The following CEP95 variants were observed in gnomAD, a reference collection of about 807,000 sequenced individuals.
The protein encoded by CEP95 is centrosomal protein 95, also known as centrosomal protein of 95 kDa.
In CEP95, 98 loss-of-function variants were observed where a neutral mutation model predicts 111.2. That is an observed-to-expected ratio of 0.88 (90% CI 0.75 to 1.04). The LOEUF (loss-of-function observed/expected upper bound fraction) is 1.04. CEP95 is among the 50% of genes least tolerant of loss of function. CEP95 has a pLI of 0.00. For missense variants in CEP95, 1,027 were observed against 977.2 expected (o/e 1.05, Z -0.68); for synonymous variants, 323 against 327.1 (o/e 0.99, Z 0.14).
At position 64,537,810 on chromosome 17, in the gene CEP95, C is replaced by G; in HGVS notation, c.*31C>G. 1 of 1,437,218 alleles carries G rather than the reference C, an allele frequency of 7.0e-7. No homozygotes were observed. The highest frequency in any genetic ancestry group is 1.4e-5 in the South Asian group (1 of 71,290). 89.0% of individuals were successfully genotyped at this position (1,437,218 alleles called of 1,614,324 possible). A position where few individuals can be genotyped will look rare whatever the true frequency, so the allele number is the denominator to read the frequency against. ...GACTTGATAATAGTAGGTGAAGGTT[C>G]TGGAGGCCTTTACCAGGACAGAGCT... On this transcript the variant is annotated 3_prime_UTR_variant, in exon 20 of 20. Coordinates refer to ENST00000556440, the MANE Select transcript of CEP95 (RefSeq NM_138363.3).
chr17:64,508,174 T>C, intron 1 of CEP95: 1 of 985,458 alleles, frequency 1.0e-6, no homozygotes, highest in Non-Finnish European at 1.2e-6. Flanking sequence ...CCAATACTAT[T>C]GCAAGTGCGA....
intron 6 of CEP95, 96 bp downstream of exon 6, chr17:64,519,532 G>T (rs1205742395): frequency 3.7e-6 from 3 of 821,450 alleles, no homozygotes; most frequent in African/African-American, 3.4e-5. Flanking sequence ...GAAGAATAGA[G>T]TGCTAACTGG....
chr17:64,532,133 G>GTT (rs113205929), intron 14 of CEP95, 111 bp downstream of exon 14: 1,130 of 1,144,980 alleles, frequency 9.9e-4, no homozygotes, highest in South Asian at 5.3e-3. Flanking sequence ...GCCGAAGAAA[G>GTT]TTTTTTTTTT....
At chr17:64,526,670 AAAC>A (rs1441911153) in intron 10 of CEP95, among the ~76,000 whole-genome samples, 2 of 152,208 alleles carry the variant, frequency 1.3e-5, no homozygotes, top group African/African-American at 4.8e-5. Flanking sequence ...TTTTAAAACT[AAAC>A]ATGTATGCCA....
Position 64,506,995 on chromosome 17 carries a change from C to CCCAGT in CEP95, c.-103_-102insCCAGT. 2 of 1,354,480 alleles carry CCCAGT rather than the reference C, an allele frequency of 1.5e-6. No individual in the cohort carries two copies. Among genetic ancestry groups the CCCAGT allele is most frequent in the South Asian group, 2.5e-5 (2 of 80,054 alleles). 83.9% of individuals were successfully genotyped at this position (1,354,480 alleles called of 1,614,324 possible). A position where few individuals can be genotyped will look rare whatever the true frequency, so the allele number is the denominator to read the frequency against. ...ACGCCTCCTTCCCCGCGCTTTGGTT[C>CCCAGT]GTGCGTCCGCGCCCCAGTGTCGGGT... On this transcript the variant is annotated 5_prime_UTR_variant, in exon 1 of 20. Transcript: ENST00000556440.
At position 64,510,424 on chromosome 17, in the gene CEP95, A is replaced by C. The variant is rs1598177478; in HGVS notation, c.256+144A>C. 8.2e-6 allele frequency: 5 copies of C among 610,948 alleles called. No homozygotes were observed. The East Asian group carries it at 1.4e-4, about 17-fold the overall frequency. The allele number at this position is 610,948 out of a possible 1,614,324, so 37.8% of individuals were successfully genotyped here. A position where few individuals can be genotyped will look rare whatever the true frequency, so the allele number is the denominator to read the frequency against. ...TTGAGCTAAGACAATCAACTGATAG[A>C]GGTCAGGTCCATACATGAGAACTTT... On this transcript the variant is annotated intron_variant, in intron 3 of 19. Coordinates refer to ENST00000556440, the MANE Select transcript of CEP95 (RefSeq NM_138363.3).
chr17:64,510,172 G>A lies in CEP95; in HGVS notation c.149-1G>A, dbSNP rs781794065. The A allele has an allele frequency of 4.4e-6, 7 of 1,578,182 alleles. No individual in the cohort carries two copies. The South Asian group carries it at 4.5e-5, about 10-fold the overall frequency. ...AATTATGTGATTTTTTCCCCCCCCA[G>A]ACCTCATAGTTATTCCTAGGAGTCA... On this transcript the variant is annotated splice_acceptor_variant, in intron 2 of 19. Coordinates refer to ENST00000556440, the MANE Select transcript of CEP95 (RefSeq NM_138363.3). LOFTEE classifies it high-confidence loss of function.
Position 64,522,826 on chromosome 17 carries a change from A to G in CEP95, c.840A>G (p.Lys280=). 6.2e-7 allele frequency: 1 copy of G among 1,613,780 alleles called. No individual in the cohort carries two copies. The highest frequency in any genetic ancestry group is 8.5e-7 in the Non-Finnish European group (1 of 1,179,858). Residue 280 remains lysine (K), a synonymous_variant, in exon 8 of 20, where the codon AAA becomes AAG. Transcript: ENST00000556440. The stretch of plus-strand genomic sequence containing the variant: ...CTCGAGCACCCTGCCCCATAGGAAA[A>G]GAATACTTGCATTCAAGTCACTGCT... ...SEPRAPCPIG[K]EYLHSSHCSP... is the part of the protein sequence containing the mutation.
At chr17:64,527,048 ACTC>A in intron 10 of CEP95, 60 bp from the exon 11 acceptor site, 1 of 1,394,322 alleles carries the variant, frequency 7.2e-7, no homozygotes, top group East Asian at 2.3e-5. Flanking sequence ...AGGTCTGCCT[ACTC>A]CTACGAATTT....
chr17:64,536,399 T>TG (rs1968656320), intron 17 of CEP95: 1 of 363,506 alleles, frequency 2.8e-6, no homozygotes, highest in South Asian at 4.7e-5. Flanking sequence ...CAGTGAGTTG[T>TG]GACTGCCCCA....
Position 64,514,332 on chromosome 17 carries a change from G to T in CEP95, c.341G>T (p.Arg114Leu), listed in dbSNP as rs782643366. Residue 114 changes from arginine to leucine, a missense_variant, in exon 4 of 20, where the codon CGC (arginine) becomes CTC (leucine). Arg to Leu is a moderately radical substitution (Grantham distance 102). Transcript: ENST00000556440. ...FDGLLEYLTE[R>L]ISETSHEKSE... ...GGTTTGTTGGAGTATCTTACAGAAC[G>T]CATCAGTGAAACATCTCATGAGAAA... 6.6e-7 allele frequency: 1 copy of T among 1,514,510 alleles called. No homozygotes were observed. The highest frequency in any genetic ancestry group is 9.0e-7 in the Non-Finnish European group (1 of 1,113,692). 93.8% of individuals were successfully genotyped at this position (1,514,510 alleles called of 1,614,324 possible).
Position 64,533,159 on chromosome 17 carries a change from G to A in CEP95, c.1885G>A (p.Val629Ile). 1 of 1,590,958 alleles carries A rather than the reference G, an allele frequency of 6.3e-7. No homozygotes were observed. Among genetic ancestry groups the A allele is most frequent in the Non-Finnish European group, 8.5e-7 (1 of 1,174,454 alleles). The change falls in exon 16 of 20, where the codon GTC becomes ATC. Residue 629 changes from valine (V) to isoleucine (I), a missense_variant. Physicochemically the swap from Val to Ile is conservative, Grantham distance 29. Coordinates refer to ENST00000556440, the MANE Select transcript of CEP95 (RefSeq NM_138363.3). ...AAGGCATGACCTCCTTACTACCCTT[G>A]TCAAGAAAGAATATGAACATAACAA... ...LRRHDLLTTL[V>I]KKEYEHNKRL...
chr17:64,537,479 C>T (rs1477118219), intron 19 of CEP95, 124 bp from the exon 20 acceptor site: 4 of 1,417,008 alleles, frequency 2.8e-6, no homozygotes, highest in Non-Finnish European at 2.8e-6. Flanking sequence ...TCTGTAAGAG[C>T]TGCTGTTGCT....
In CEP95 at chr17:64,507,078, C is replaced by T; in HGVS notation, c.-20C>T. 1.9e-6 allele frequency: 3 copies of T among 1,550,752 alleles called. No individual in the cohort carries two copies. Among genetic ancestry groups the T allele is most frequent in the Non-Finnish European group, 1.7e-6 (2 of 1,146,922 alleles). On this transcript the variant is annotated 5_prime_UTR_variant, in exon 1 of 20. Coordinates refer to ENST00000556440, the MANE Select transcript of CEP95 (RefSeq NM_138363.3). ...CCTTCCCGGCCGCGTCGGAGTCCGG[C>T]GGCGACCTGCCTCTGAAACATGGCA...
At chr17:64,514,156 G>A in intron 3 of CEP95, 92 bp from the exon 4 acceptor site, 1 of 561,532 alleles carries the variant, frequency 1.8e-6, no homozygotes, top group Non-Finnish European at 3.3e-6. Context: ...TTCTTAAATA[G>A]CATTTTCACA....
chr17:64,507,867 T>G, intron 1 of CEP95: 1 of 985,460 alleles, frequency 1.0e-6, no homozygotes, highest in Non-Finnish European at 1.2e-6. Context: ...AAGGAACAAG[T>G]ATTTTAAGCT....
intron 13 of CEP95, among the ~76,000 whole-genome samples, chr17:64,531,475 A>G (rs1968277232): frequency 6.6e-6 from 1 of 152,218 alleles, no homozygotes; most frequent in Admixed American, 6.5e-5. Flanking sequence ...TAAAATATTC[A>G]TGAACAAAAC....
rs1245545818 is a variant in CEP95, at chr17:64,507,054, C to T, written c.-44C>T. ...ATCGGTCCTTCCAGGACACCGTCGC[C>T]TTCCCGGCCGCGTCGGAGTCCGGCG... On this transcript the variant is annotated 5_prime_UTR_variant, in exon 1 of 20. Coordinates refer to ENST00000556440, the MANE Select transcript of CEP95 (RefSeq NM_138363.3). 33 of 1,550,566 alleles carry T rather than the reference C, an allele frequency of 2.1e-5. No homozygotes were observed. The highest frequency in any genetic ancestry group is 5.9e-5 in the Admixed American group (3 of 50,992).
intron 3 of CEP95, among the ~76,000 whole-genome samples, chr17:64,512,100 C>T (rs1191153060): frequency 1.3e-5 from 2 of 152,186 alleles, no homozygotes; most frequent in Non-Finnish European, 2.9e-5. Flanking sequence ...GCTCTTTGTG[C>T]ACAATGTTCC....
Sources: gnomAD v4.1 joint callset for allele counts (sites outside exome capture counted in the v4.1 genomes callset) on GRCh38, gnomAD v4.1.1 for gene constraint, MANE v1.5 for transcripts, NCBI Gene and HGNC (gene_info 2026-07-23, HGNC 2026-07-21) for gene names.